POLA1: variants seen among roughly 807,000 people sequenced by gnomAD.
POLA1 encodes DNA polymerase alpha 1, catalytic subunit.
Under a neutral mutation model 124.0 loss-of-function variants are expected in POLA1, and 15 were observed. That is an observed-to-expected ratio of 0.12 (90% confidence interval 0.08 to 0.19). POLA1 has a LOEUF of 0.19. POLA1 is among the 10% of genes least tolerant of loss of function. The pLI is 1.00. For missense variants in POLA1, 886 were observed against 1,103.4 expected (o/e 0.80, Z 2.79); for synonymous variants, 408 against 389.4 (o/e 1.05, Z -0.56).
At chrX:24,700,437 C>T (rs1928330071) in intron 2 of POLA1, among the ~76,000 whole-genome samples, 1 of 111,744 alleles carries the variant, frequency 8.9e-6, no homozygotes, top group African/African-American at 3.3e-5. Flanking sequence ...CATTTGTCAC[C>T]ATTTGTTCAA....
intron 36 of POLA1, among the ~76,000 whole-genome samples, chrX:24,971,356 C>T (rs747584428): frequency 8.9e-6 from 1 of 112,554 alleles, no homozygotes; most frequent in East Asian, 2.8e-4. Context: ...GTGAATGAAA[C>T]CTGGGTGTCC....
chrX:24,917,089 C>T (rs1000538485), intron 35 of POLA1, among the ~76,000 whole-genome samples: 145 of 110,881 alleles, frequency 1.3e-3, no homozygotes, highest in African/African-American at 4.0e-3. Context: ...GGATCACTTG[C>T]GAGACCAGCC....
intron 35 of POLA1, among the ~76,000 whole-genome samples, chrX:24,911,813 C>G (rs1161297282): frequency 2.7e-5 from 3 of 111,988 alleles, no homozygotes; most frequent in Non-Finnish European, 5.6e-5. Flanking sequence ...ACATATTTGA[C>G]AATTTAAACA....
chrX:24,757,457 T>TTTTTTTTTA (rs1932666252), intron 26 of POLA1, among the ~76,000 whole-genome samples: 1 of 71,835 alleles, frequency 1.4e-5, no homozygotes, highest in African/African-American at 4.4e-5. Flanking sequence ...TTTTTTTTTT[T>TTTTTTTTTA]GAGACAGAGT....
chrX:24,810,743 A>G lies in POLA1; in HGVS notation c.3033A>G (p.Ser1011=), dbSNP rs990343204. ...NLEVIYGDTD[S]IMINTNSTNL... is the part of the protein sequence containing the mutation. ...AAGTTATTTATGGAGATACAGATTCAATTATGATAAACACCAATAGCACCA... is the reference window on the plus strand; with the variant it reads ...AAGTTATTTATGGAGATACAGATTCGATTATGATAAACACCAATAGCACCA... Residue 1011 remains serine (S), a synonymous_variant, in exon 28 of 37, where the codon TCA becomes TCG. Coordinates refer to ENST00000379068, the MANE Select transcript of POLA1 (RefSeq NM_001330360.2). 26 of 1,096,371 alleles carry G rather than the reference A, an allele frequency of 2.4e-5. No individual in the cohort carries two copies. Among genetic ancestry groups the G allele is most frequent in the Non-Finnish European group, 3.2e-5 (26 of 800,344 alleles). 90.4% of individuals were successfully genotyped at this position (1,096,371 alleles called of 1,213,427 possible). A position where few individuals can be genotyped will look rare whatever the true frequency, so the allele number is the denominator to read the frequency against.
chrX:24,849,628 A>ATT (rs34478463), intron 34 of POLA1, among the ~76,000 whole-genome samples: 943 of 79,058 alleles, frequency 0.012, 11 homozygotes, highest in Non-Finnish European at 0.017. Flanking sequence ...TGCCCAGCTA[A>ATT]TTTTTTTTTT....
chrX:24,867,157 T>C (rs1200794629), intron 34 of POLA1, among the ~76,000 whole-genome samples: 1 of 111,826 alleles, frequency 8.9e-6, no homozygotes, highest in African/African-American at 3.2e-5. Context: ...CTATCATGCA[T>C]CTTTGAAAAT....
At chrX:24,726,156 C>G in intron 13 of POLA1, 101 bp downstream of exon 13, 1 of 511,885 alleles carries the variant, frequency 2.0e-6, no homozygotes, top group Non-Finnish European at 3.4e-6. Context: ...GGCAGGGCTT[C>G]TCAAGCCCAC....
chrX:24,751,157 C>T (rs1395513550), intron 26 of POLA1, among the ~76,000 whole-genome samples: 1 of 110,844 alleles, frequency 9.0e-6, no homozygotes, highest in African/African-American at 3.3e-5. Flanking sequence ...CAATTTACTC[C>T]CTTGGAGAGT....
At chrX:24,732,296 T>G (rs1930961389) in intron 15 of POLA1, 74 bp from the exon 16 acceptor site, 5 of 662,951 alleles carry the variant, frequency 7.5e-6, no homozygotes, top group Non-Finnish European at 1.2e-5. Flanking sequence ...TTAAATATTC[T>G]TGGTGATTTT....
chrX:24,852,351 C>T (rs1279119807), intron 34 of POLA1, among the ~76,000 whole-genome samples: 1 of 109,455 alleles, frequency 9.1e-6, no homozygotes, highest in African/African-American at 3.4e-5. Context: ...GCTCTTGTTG[C>T]CCAGGCTGGA....
chrX:24,988,429 C>T (rs1391432306), intron 36 of POLA1, among the ~76,000 whole-genome samples: 1 of 112,504 alleles, frequency 8.9e-6, no homozygotes, highest in Non-Finnish European at 1.9e-5. Flanking sequence ...ATTCTAAAGC[C>T]AGTGCCAACT....
chrX:24,756,764 G>A (rs1443590395), intron 26 of POLA1, among the ~76,000 whole-genome samples: 1 of 110,946 alleles, frequency 9.0e-6, no homozygotes, highest in African/African-American at 3.3e-5. Context: ...TGTGAAAAAT[G>A]ATAAAGAACG....
At chrX:24,944,082 A>T (rs1296056684) in intron 36 of POLA1, among the ~76,000 whole-genome samples, 1 of 112,272 alleles carries the variant, frequency 8.9e-6, no homozygotes, top group African/African-American at 3.2e-5. Context: ...CAACAAGATT[A>T]GCTGACTAAG....
At chrX:24,949,160 G>A (rs1226346604) in intron 36 of POLA1, among the ~76,000 whole-genome samples, 1 of 112,115 alleles carries the variant, frequency 8.9e-6, no homozygotes, top group East Asian at 2.8e-4. Flanking sequence ...AGCTGCCATA[G>A]CGTCTTAGAA....
intron 15 of POLA1, among the ~76,000 whole-genome samples, chrX:24,732,002 T>C (rs188039107): frequency 8.9e-6 from 1 of 112,251 alleles, no homozygotes; most frequent in East Asian, 2.8e-4. Flanking sequence ...TCACCCATGC[T>C]GGAGCGCAGT....
At chrX:24,983,910 G>A (rs1186622412) in intron 36 of POLA1, among the ~76,000 whole-genome samples, 1 of 111,061 alleles carries the variant, frequency 9.0e-6, no homozygotes, top group Non-Finnish European at 1.9e-5. Flanking sequence ...TCATTCTGTC[G>A]TGTCCTCTAC....
rs368498010 is a variant in POLA1 at position 24,878,918 on chromosome X, G to A, written c.4048-9088G>A. On this transcript the variant is annotated intron_variant, in intron 34 of 36. Transcript: ENST00000379068. ...AAGCTCTTGGCAAAACTGTCTCCTC[G>A]TTAATAATTCTGATTATAAGAACAA... Among the ~76,000 whole-genome samples the A allele has an allele frequency of 5.4e-5, 6 of 110,494 alleles. No homozygotes were observed. The East Asian group carries it at 1.1e-3, about 21-fold the overall frequency.
At chrX:24,841,328 C>T (rs185537423) in intron 32 of POLA1, among the ~76,000 whole-genome samples, 1 of 111,994 alleles carries the variant, frequency 8.9e-6, no homozygotes, top group East Asian at 2.8e-4. Flanking sequence ...TTAATTGTGA[C>T]TTTGATTTTA....
Sources: allele counts gnomAD v4.1 joint callset (sites outside exome capture counted in the v4.1 genomes callset), GRCh38; gene constraint gnomAD v4.1.1; transcripts MANE v1.5; gene names NCBI Gene and HGNC (gene_info 2026-07-23, HGNC 2026-07-21).